Variants in ETV1 observed in about 807,000 individuals in gnomAD.
ETV1 encodes the protein ETS variant transcription factor 1, also known as ETS translocation variant 1.
Under a neutral mutation model 62.3 loss-of-function variants are expected in ETV1, and 27 were observed. That is an observed-to-expected ratio of 0.43 (90% confidence interval 0.32 to 0.60). The LOEUF is 0.60. ETV1 is among the 20% of genes least tolerant of loss of function. The pLI is 0.06. For synonymous variants in ETV1, 222 were observed against 199.6 expected (o/e 1.11, Z -0.94); for missense variants, 605 against 605.8 (o/e 1.00, Z 0.01).
Position 13,975,798 on chromosome 7 carries a change from A to C in ETV1, c.235+1629T>G, listed in dbSNP as rs189481782. The stretch of plus-strand genomic sequence containing the variant: ...AATAAGAAAAGCTGAAAAGAGGTCA[A>C]ATAAGAAAAGGAGTAAAAAATTACC... On this transcript the variant is annotated intron_variant, in intron 6 of 13. Transcript: ENST00000430479. 2.0e-3 allele frequency among the ~76,000 whole-genome samples: 301 copies of C among 152,288 alleles called. 2 individuals are homozygous for C. The highest frequency in any genetic ancestry group is 6.9e-3 in the African/African-American group (288 of 41,574).
chr7:13,986,267 A>G, intron 5 of ETV1: 1 of 1,518,252 alleles, frequency 6.6e-7, no homozygotes, highest in Non-Finnish European at 8.8e-7. Flanking sequence ...GCTCTAAAGG[A>G]AACAGCAAGC....
chr7:13,907,289 C>T (rs1783068012), intron 11 of ETV1, among the ~76,000 whole-genome samples: 1 of 152,062 alleles, frequency 6.6e-6, no homozygotes, highest in South Asian at 2.1e-4. Flanking sequence ...AACAAAAATT[C>T]TCTCTCATTT....
chr7:13,909,266 A>C (rs2128417857), intron 11 of ETV1, among the ~76,000 whole-genome samples: 1 of 152,244 alleles, frequency 6.6e-6, no homozygotes, highest in East Asian at 1.9e-4. Flanking sequence ...GTCCATCCAC[A>C]GCAGCACGTT....
At chr7:13,976,741 G>C (rs1781488484) in intron 6 of ETV1, among the ~76,000 whole-genome samples, 1 of 152,106 alleles carries the variant, frequency 6.6e-6, no homozygotes, top group Non-Finnish European at 1.5e-5. Context: ...CGTTTGTACA[G>C]GCAAAACGCT....
At chr7:13,949,670 T>G (rs1320162737) in intron 6 of ETV1, among the ~76,000 whole-genome samples, 1 of 152,182 alleles carries the variant, frequency 6.6e-6, no homozygotes, top group Non-Finnish European at 1.5e-5. Context: ...CCATTTCTCT[T>G]GTTTACAGTG....
At chr7:13,963,768 T>C (rs1399364652) in intron 6 of ETV1, among the ~76,000 whole-genome samples, 1 of 152,154 alleles carries the variant, frequency 6.6e-6, no homozygotes, top group Non-Finnish European at 1.5e-5. Flanking sequence ...GTCTATATAT[T>C]CCATAAGCAC....
intron 5 of ETV1, among the ~76,000 whole-genome samples, chr7:13,984,443 C>CTTATTTTATTATATAAA (rs1170274271): frequency 5.9e-5 from 9 of 151,760 alleles, no homozygotes; most frequent in African/African-American, 2.2e-4. Flanking sequence ...GTTAAAATAT[C>CTTATTTTATTATATAAA]AGTGCAAAAT....
intron 6 of ETV1, among the ~76,000 whole-genome samples, chr7:13,945,515 T>G (rs1262025281): frequency 6.6e-6 from 1 of 152,150 alleles, no homozygotes; most frequent in East Asian, 1.9e-4. Context: ...AATTTTTTTT[T>G]TGAATTGCTG....
intron 6 of ETV1, among the ~76,000 whole-genome samples, chr7:13,950,136 G>A (rs1033027057): frequency 5.9e-5 from 9 of 152,050 alleles, no homozygotes; most frequent in Admixed American, 3.3e-4. Context: ...TTTTAGCTTC[G>A]GAGACCTTTG....
chr7:13,967,424 T>C (rs559824318), intron 6 of ETV1, among the ~76,000 whole-genome samples: 43 of 152,296 alleles, frequency 2.8e-4, no homozygotes, highest in African/African-American at 9.4e-4. Flanking sequence ...ACAAAGGTAC[T>C]TTTCTGATCT....
chr7:13,986,454 G>A (rs1782559648), intron 5 of ETV1, 184 bp downstream of exon 5: 1 of 1,503,626 alleles, frequency 6.7e-7, no homozygotes, highest in Non-Finnish European at 8.8e-7. Flanking sequence ...GATGACACTG[G>A]GTAGTACAGC....
intron 9 of ETV1, among the ~76,000 whole-genome samples, chr7:13,919,387 A>G (rs1784560005): frequency 6.6e-6 from 1 of 152,106 alleles, no homozygotes; most frequent in Non-Finnish European, 1.5e-5. Flanking sequence ...CATACTAAAA[A>G]AAAAAATTAC....
intron 6 of ETV1, among the ~76,000 whole-genome samples, chr7:13,949,077 A>G (rs1193368901): frequency 1.3e-5 from 2 of 152,216 alleles, no homozygotes; most frequent in Non-Finnish European, 2.9e-5. Flanking sequence ...ACCTGTCTAA[A>G]AAATATAACT....
intron 9 of ETV1, among the ~76,000 whole-genome samples, chr7:13,927,325 G>A (rs556138125): frequency 6.6e-5 from 10 of 152,158 alleles, no homozygotes; most frequent in African/African-American, 2.2e-4. Flanking sequence ...GGTGGCACAC[G>A]CCTGTAGTCC....
At chr7:13,939,002 C>T in intron 7 of ETV1, 115 bp downstream of exon 7, 2 of 987,636 alleles carry the variant, frequency 2.0e-6, no homozygotes, top group Admixed American at 2.5e-5. Context: ...ACCTAATTAG[C>T]TTGTTACATA....
At chr7:13,961,707 A>C (rs1583811375) in intron 6 of ETV1, among the ~76,000 whole-genome samples, 1 of 152,306 alleles carries the variant, frequency 6.6e-6, no homozygotes, top group Admixed American at 6.5e-5. Flanking sequence ...AGAATTCATA[A>C]CCCATAATCT....
chr7:13,939,384 G>T, intron 6 of ETV1, 138 bp from the exon 7 acceptor site: 1 of 673,178 alleles, frequency 1.5e-6, no homozygotes, highest in Non-Finnish European at 2.3e-6. Context: ...CACGTTTGAT[G>T]AATTTCAGTA....
At chr7:13,899,964 T>TA (rs1379856561) in intron 13 of ETV1, among the ~76,000 whole-genome samples, 1 of 152,104 alleles carries the variant, frequency 6.6e-6, no homozygotes, top group East Asian at 1.9e-4. Flanking sequence ...CGCCATCTCT[T>TA]CTAAGAACAC....
intron 9 of ETV1, among the ~76,000 whole-genome samples, chr7:13,917,210 C>A (rs1784271582): frequency 6.6e-6 from 1 of 151,816 alleles, no homozygotes; most frequent in Non-Finnish European, 1.5e-5. Context: ...GTTTTACAAG[C>A]CTGTGATAGT....
Sources: allele counts gnomAD v4.1 joint callset (sites outside exome capture counted in the v4.1 genomes callset), GRCh38; gene constraint gnomAD v4.1.1; transcripts MANE v1.5; gene names NCBI Gene and HGNC (gene_info 2026-07-23, HGNC 2026-07-21).